Variants in WDR49 observed in about 807,000 individuals in gnomAD.
The protein encoded by WDR49 is WD repeat domain 49.
WDR49 carries 107 observed loss-of-function variants against 119.5 expected under a neutral mutation model. The observed-to-expected ratio is 0.90, with a 90% confidence interval of 0.77 to 1.05. The LOEUF (loss-of-function observed/expected upper bound fraction) is 1.05. Ranked by LOEUF, WDR49 falls within the 50% of genes least tolerant of loss-of-function variation. The pLI is 0.00. For missense variants in WDR49, 1,240 were observed against 1,220.5 expected (o/e 1.02, Z -0.24); for synonymous variants, 425 against 418.8 (o/e 1.01, Z -0.18).
At chr3:167,575,731 A>G (rs1284262497) in intron 8 of WDR49, among the ~76,000 whole-genome samples, 187 bp downstream of exon 8, 1 of 152,248 alleles carries the variant, frequency 6.6e-6, no homozygotes, top group African/African-American at 2.4e-5. Flanking sequence ...CTGGCTGAAA[A>G]TGAAATCATT....
At chr3:167,612,087 C>CA (rs1360129313) in intron 5 of WDR49, among the ~76,000 whole-genome samples, 4 of 152,060 alleles carry the variant, frequency 2.6e-5, no homozygotes, top group African/African-American at 9.7e-5. Context: ...TGTTAGGTAT[C>CA]AAAAAATATC....
At chr3:167,562,945 T>A (rs1472751411) in intron 8 of WDR49, among the ~76,000 whole-genome samples, 2 of 152,238 alleles carry the variant, frequency 1.3e-5, no homozygotes, top group Non-Finnish European at 2.9e-5. Context: ...TACTATTCCA[T>A]CTAAGCTTCA....
intron 10 of WDR49, among the ~76,000 whole-genome samples, chr3:167,540,088 T>G (rs1711693116): frequency 6.6e-6 from 1 of 151,996 alleles, no homozygotes; most frequent in African/African-American, 2.4e-5. Context: ...GCCAACAAAC[T>G]CAGGACATTA....
intron 7 of WDR49, among the ~76,000 whole-genome samples, chr3:167,583,360 G>C (rs1714646740): frequency 6.6e-6 from 1 of 152,018 alleles, no homozygotes; most frequent in Non-Finnish European, 1.5e-5. Flanking sequence ...CTAGGTTTTT[G>C]TAAGGGGTCT....
intron 2 of WDR49, among the ~76,000 whole-genome samples, chr3:167,631,570 C>T (rs1362301889): frequency 6.6e-6 from 1 of 151,996 alleles, no homozygotes; most frequent in East Asian, 1.9e-4. Flanking sequence ...GTATTTCAAG[C>T]AAATATTTAG....
intron 18 of WDR49, among the ~76,000 whole-genome samples, chr3:167,499,907 T>C (rs1751494715): frequency 6.6e-6 from 1 of 152,210 alleles, no homozygotes; most frequent in African/African-American, 2.4e-5. Flanking sequence ...TACATGTTCA[T>C]GGCATTCTAA....
At chr3:167,583,737 T>C (rs1191049618) in intron 7 of WDR49, among the ~76,000 whole-genome samples, 2 of 152,182 alleles carry the variant, frequency 1.3e-5, no homozygotes, top group African/African-American at 2.4e-5. Flanking sequence ...GAGGTGAGAC[T>C]GTTAAACTGG....
At chr3:167,599,312 C>T (rs901199325) in intron 7 of WDR49, among the ~76,000 whole-genome samples, 1 of 152,146 alleles carries the variant, frequency 6.6e-6, no homozygotes, top group Non-Finnish European at 1.5e-5. Flanking sequence ...TCAGTTCTTC[C>T]CACTCTTCCC....
At chr3:167,615,979 A>G (rs1716577995) in intron 5 of WDR49, among the ~76,000 whole-genome samples, 2 of 152,248 alleles carry the variant, frequency 1.3e-5, no homozygotes, top group African/African-American at 2.4e-5. Context: ...TTCAAAGTGA[A>G]CATGATAATA....
At chr3:167,564,521 T>C (rs140811168) in intron 8 of WDR49, among the ~76,000 whole-genome samples, 2 of 152,200 alleles carry the variant, frequency 1.3e-5, no homozygotes, top group Admixed American at 1.3e-4. Context: ...CACATGTCTA[T>C]GCCACCTTTT....
chr3:167,540,113 A>G (rs1711694767), intron 10 of WDR49, among the ~76,000 whole-genome samples: 1 of 152,184 alleles, frequency 6.6e-6, no homozygotes, highest in Non-Finnish European at 1.5e-5. Flanking sequence ...AACTCATGAC[A>G]GAACAACCCT....
chr3:167,527,811 T>A lies in WDR49; in HGVS notation c.2604+9A>T. On this transcript the variant is annotated intron_variant, in intron 15 of 18. Transcript: ENST00000682715. The stretch of plus-strand genomic sequence containing the variant: ...AAATACTAGAATAATAAAGAAGCAA[T>A]ATTTCTACCTGACCAAAGATCCAAA... 6.2e-7 allele frequency: 1 copy of A among 1,608,886 alleles called. No homozygotes were observed. Among genetic ancestry groups the A allele is most frequent in the Non-Finnish European group, 8.5e-7 (1 of 1,177,980 alleles).
chr3:167,653,552 C>T, intron 1 of WDR49, 53 bp from the exon 2 acceptor site: 2 of 1,184,594 alleles, frequency 1.7e-6, no homozygotes, highest in East Asian at 2.7e-5. Flanking sequence ...AAGTACAAAC[C>T]TTTCAAGGCA....
At chr3:167,645,559 A>G (rs945462274) in intron 2 of WDR49, among the ~76,000 whole-genome samples, 3 of 152,174 alleles carry the variant, frequency 2.0e-5, no homozygotes, top group East Asian at 1.9e-4. Context: ...TCATAAAAAT[A>G]AATGAAATTT....
chr3:167,575,791 A>T, intron 8 of WDR49, 127 bp downstream of exon 8: 2 of 906,426 alleles, frequency 2.2e-6, no homozygotes, highest in South Asian at 1.7e-5. Flanking sequence ...CATGGCTATT[A>T]AATCATTTCT....
intron 16 of WDR49, among the ~76,000 whole-genome samples, chr3:167,515,932 GA>G (rs927269539): frequency 2.0e-4 from 30 of 152,138 alleles, no homozygotes; most frequent in African/African-American, 6.0e-4. Flanking sequence ...CAAGGAAAGT[GA>G]AGAACCCTCT....
chr3:167,505,066 G>A (rs1751714301), intron 17 of WDR49, among the ~76,000 whole-genome samples: 1 of 152,156 alleles, frequency 6.6e-6, no homozygotes, highest in Admixed American at 6.5e-5. Flanking sequence ...AGCAATGCAA[G>A]AGTGGTCCAA....
intron 16 of WDR49, among the ~76,000 whole-genome samples, chr3:167,513,786 C>A (rs549488160): frequency 6.6e-6 from 1 of 151,914 alleles, no homozygotes; most frequent in African/African-American, 2.4e-5. Context: ...AAATGGAAAG[C>A]AGAAAAAATG....
intron 17 of WDR49, among the ~76,000 whole-genome samples, 154 bp from the exon 18 acceptor site, chr3:167,500,453 C>T (rs13061499): frequency 0.33 from 49,695 of 152,080 alleles, 8,303 homozygotes; most frequent in East Asian, 0.47. Flanking sequence ...GCAAACCCTA[C>T]AAACACAGCT....
Sources: allele counts gnomAD v4.1 joint callset (sites outside exome capture counted in the v4.1 genomes callset), GRCh38; gene constraint gnomAD v4.1.1; transcripts MANE v1.5; gene names NCBI Gene and HGNC (gene_info 2026-07-23, HGNC 2026-07-21).